TLL2: variants seen among roughly 807,000 people sequenced by gnomAD.
The protein encoded by TLL2 is tolloid like 2.
TLL2 carries 106 observed loss-of-function variants against 123.0 expected under a neutral mutation model. The observed-to-expected ratio is 0.86, with a 90% confidence interval of 0.74 to 1.01. The LOEUF (loss-of-function observed/expected upper bound fraction) is 1.01. Among genes scored for constraint, TLL2 ranks in the 50% least tolerant of loss-of-function variants. The probability of loss-of-function intolerance (pLI) is 0.00; values close to 1 mark genes in which losing one functional copy is unlikely to be tolerated. For missense variants in TLL2, 1,332 were observed against 1,336.7 expected (o/e 1.00, Z 0.06); for synonymous variants, 494 against 516.8 (o/e 0.96, Z 0.60).
At chr10:96,414,679 T>G (rs1320909548) in intron 7 of TLL2, among the ~76,000 whole-genome samples, 1 of 152,180 alleles carries the variant, frequency 6.6e-6, no homozygotes, top group Non-Finnish European at 1.5e-5. Context: ...AGATGCCTCG[T>G]AACACCTCCC....
intron 18 of TLL2, chr10:96,375,313 T>G (rs1162426274): frequency 6.6e-6 from 1 of 152,172 alleles, no homozygotes; most frequent in Non-Finnish European, 1.5e-5. Context: ...ACTCACATTC[T>G]ATGGTAGCGA....
rs893320756 is a variant in TLL2, at chr10:96,513,771, G to C, written c.-86C>G. ...AAGACGGCGCACACTGGGTCGGTCG[G>C]CTCCGGCCGGGACTCGGTGGTTACA... is the stretch of plus-strand genomic sequence containing the variant. On this transcript the variant is annotated 5_prime_UTR_variant, in exon 1 of 21. Transcript: ENST00000357947. 2.2e-5 allele frequency: 30 copies of C among 1,349,344 alleles called. No individual in the cohort carries two copies. In the African/African-American group the frequency reaches 3.5e-4, roughly 16 times the overall value. 83.6% of individuals were successfully genotyped at this position (1,349,344 alleles called of 1,614,324 possible).
chr10:96,436,021 G>T (rs1168274115), intron 3 of TLL2, among the ~76,000 whole-genome samples: 1 of 152,144 alleles, frequency 6.6e-6, no homozygotes, highest in Non-Finnish European at 1.5e-5. Context: ...GTGTGTTATT[G>T]ATTTCTAACA....
intron 3 of TLL2, among the ~76,000 whole-genome samples, chr10:96,442,013 G>A (rs1846854818): frequency 6.6e-6 from 1 of 152,160 alleles, no homozygotes; most frequent in Admixed American, 6.5e-5. Flanking sequence ...CTGGAAATCA[G>A]GCTCTATCAA....
chr10:96,497,092 G>A (rs1410755375), intron 1 of TLL2, among the ~76,000 whole-genome samples: 1 of 151,658 alleles, frequency 6.6e-6, no homozygotes, highest in Non-Finnish European at 1.5e-5. Context: ...ACTAGCCTGG[G>A]AAACATAGCG....
chr10:96,404,249 A>G (rs1409306964), intron 10 of TLL2, among the ~76,000 whole-genome samples: 2 of 152,072 alleles, frequency 1.3e-5, no homozygotes, highest in Admixed American at 1.3e-4. Context: ...ACAGGTGTGG[A>G]GGGGCAGGCC....
intron 19 of TLL2, chr10:96,373,371 C>T (rs1846102613): frequency 2.2e-6 from 1 of 464,072 alleles, no homozygotes. Context: ...GAACTCCTGA[C>T]CTCAGATGAT....
At chr10:96,371,092 C>T (rs1188864541) in intron 19 of TLL2, among the ~76,000 whole-genome samples, 4 of 152,048 alleles carry the variant, frequency 2.6e-5, no homozygotes, top group African/African-American at 4.8e-5. Flanking sequence ...GAGGCCGAGA[C>T]GGGTGGATCA....
In TLL2 at chr10:96,384,589, GAGA is replaced by G. The variant is rs762797631; in HGVS notation, c.2189_2191del (p.Phe730del). The G allele has an allele frequency of 5.7e-6, 9 of 1,587,330 alleles. No individual in the cohort carries two copies. The South Asian group carries it at 5.7e-5, about 10-fold the overall frequency. ...GCCTCACCTCTGAACCCGCATACCT[GAGA>G]AGAAGTGGGCCCTGAAGCCGCGCTT... is the stretch of plus-strand genomic sequence containing the variant. On this transcript the variant is annotated inframe_deletion, in exon 16 of 21. Transcript: ENST00000357947.
intron 18 of TLL2, 125 bp from the exon 19 acceptor site, chr10:96,373,934 G>T: frequency 2.6e-6 from 2 of 775,416 alleles, no homozygotes; most frequent in Non-Finnish European, 4.1e-6. Context: ...GGCTGTGCAG[G>T]GGGTGTGTGG....
chr10:96,431,549 C>A (rs1038851812), intron 4 of TLL2, among the ~76,000 whole-genome samples: 26 of 152,132 alleles, frequency 1.7e-4, no homozygotes, highest in Admixed American at 1.4e-3. Flanking sequence ...GCTTGTCACT[C>A]AGGCTTTCCA....
intron 2 of TLL2, among the ~76,000 whole-genome samples, chr10:96,475,868 C>T (rs1847234236): frequency 6.6e-6 from 1 of 152,124 alleles, no homozygotes; most frequent in African/African-American, 2.4e-5. Context: ...ATGCTGTTCT[C>T]ATGATAGTAA....
chr10:96,512,973 C>T (rs1847646575), intron 1 of TLL2, among the ~76,000 whole-genome samples: 1 of 152,266 alleles, frequency 6.6e-6, no homozygotes, highest in South Asian at 2.1e-4. Context: ...TCCGGCTATT[C>T]GAGTCTTGCT....
Position 96,480,473 on chromosome 10 carries a change from A to T in TLL2, c.176-14T>A. The T allele has an allele frequency of 6.3e-7, 1 of 1,597,348 alleles. No homozygotes were observed. The highest frequency in any genetic ancestry group is 8.6e-7 in the Non-Finnish European group (1 of 1,164,668). ...CCCAAAAGACAGCTGGGAAGGAAAC[A>T]CATAAGTGGGTGAATTTATGCTAGA... On this transcript the variant is annotated splice_polypyrimidine_tract_variant and intron_variant, in intron 1 of 20. Coordinates refer to ENST00000357947, the MANE Select transcript of TLL2 (RefSeq NM_012465.4).
chr10:96,431,457 T>C (rs1205207907), intron 4 of TLL2, among the ~76,000 whole-genome samples: 1 of 152,132 alleles, frequency 6.6e-6, no homozygotes, highest in Non-Finnish European at 1.5e-5. Context: ...ATCAGCCACC[T>C]CTCAGAGTAG....
At chr10:96,384,901 C>T (rs376249031) in intron 15 of TLL2, 134 bp from the exon 16 acceptor site, 17 of 841,280 alleles carry the variant, frequency 2.0e-5, no homozygotes, top group East Asian at 1.9e-4. Context: ...ACTCTTGCTA[C>T]GCCGGTTATT....
chr10:96,433,620 G>T (rs569404231), intron 3 of TLL2, among the ~76,000 whole-genome samples: 1 of 152,102 alleles, frequency 6.6e-6, no homozygotes, highest in Non-Finnish European at 1.5e-5. Flanking sequence ...CACTGAATCC[G>T]CATGCATTTC....
intron 9 of TLL2, among the ~76,000 whole-genome samples, chr10:96,407,158 A>T (rs1165037698): frequency 1.3e-5 from 2 of 151,910 alleles, no homozygotes; most frequent in Non-Finnish European, 2.9e-5. Flanking sequence ...CCATCTCATG[A>T]ATTAAATTCT....
At chr10:96,485,120 T>C (rs1847345436) in intron 1 of TLL2, among the ~76,000 whole-genome samples, 1 of 152,230 alleles carries the variant, frequency 6.6e-6, no homozygotes, top group Non-Finnish European at 1.5e-5. Context: ...TCAAGCCATA[T>C]ACAAAATTTA....
Sources: allele counts gnomAD v4.1 joint callset (sites outside exome capture counted in the v4.1 genomes callset), GRCh38; gene constraint gnomAD v4.1.1; transcripts MANE v1.5; gene names NCBI Gene and HGNC (gene_info 2026-07-23, HGNC 2026-07-21).